Variants in LTBP1 observed in about 807,000 individuals in gnomAD.
LTBP1 encodes the protein latent transforming growth factor beta binding protein 1.
A neutral mutation model predicts 207.6 loss-of-function variants in LTBP1; 129 were observed. The observed-to-expected ratio is 0.62, with a 90% CI of 0.54 to 0.72. The LOEUF (loss-of-function observed/expected upper bound fraction) is 0.72, where lower values mean the gene tolerates loss of function less well. Among genes scored for constraint, LTBP1 ranks in the 30% least tolerant of loss-of-function variants. The probability of loss-of-function intolerance (pLI) is 0.00; values close to 1 mark genes in which losing one functional copy is unlikely to be tolerated. For missense variants in LTBP1, 2,281 were observed against 2,217.2 expected, an observed-to-expected ratio of 1.03 and a Z score of -0.58; for synonymous variants, 963 against 833.7, an observed-to-expected ratio of 1.16 and a Z score of -2.67.
rs146845091 is a variant in LTBP1 at position 33,108,555 on chromosome 2, G to C, written c.864-2027G>C. The stretch of plus-strand genomic sequence containing the variant: ...TGTCCTCCGCTTCCTCAATTCAGAG[G>C]GGGGACAAGAGACAACCTCAAGTAG... On this transcript the variant is annotated intron_variant, in intron 3 of 33. Transcript: ENST00000404816. Among the ~76,000 whole-genome samples the C allele has an allele frequency of 3.7e-3, 566 of 152,102 alleles. 3 individuals carry two copies. Among genetic ancestry groups the C allele is most frequent in the African/African-American group, 0.013 (519 of 41,494 alleles).
intron 4 of LTBP1, among the ~76,000 whole-genome samples, chr2:33,133,528 A>G (rs554866741): frequency 5.6e-4 from 86 of 152,336 alleles, no homozygotes; most frequent in African/African-American, 1.9e-3. Context: ...AGATGTAGCA[A>G]TCAAAACAGT....
At chr2:33,175,577 A>G (rs1036495265) in intron 5 of LTBP1, among the ~76,000 whole-genome samples, 3 of 152,248 alleles carry the variant, frequency 2.0e-5, no homozygotes, top group Non-Finnish European at 4.4e-5. Context: ...TAGTTCAACC[A>G]TTGTGGAAGT....
intron 24 of LTBP1, among the ~76,000 whole-genome samples, chr2:33,339,294 G>A (rs1559035584): frequency 6.6e-6 from 1 of 152,110 alleles, no homozygotes. Flanking sequence ...TTAGATAAGT[G>A]GTTCTAAAGG....
intron 3 of LTBP1, among the ~76,000 whole-genome samples, chr2:33,043,453 C>A (rs2076291886): frequency 6.6e-6 from 1 of 151,986 alleles, no homozygotes; most frequent in Non-Finnish European, 1.5e-5. Context: ...ATGCATCTTG[C>A]CATGCTATAT....
At chr2:33,095,671 C>CAT (rs956141524) in intron 3 of LTBP1, among the ~76,000 whole-genome samples, 22 of 151,774 alleles carry the variant, frequency 1.4e-4, no homozygotes, top group African/African-American at 3.6e-4. Flanking sequence ...ACTTAAAAAG[C>CAT]ATATATATAT....
At chr2:33,380,888 G>T (rs781757037) in intron 31 of LTBP1, among the ~76,000 whole-genome samples, 2 of 151,938 alleles carry the variant, frequency 1.3e-5, no homozygotes, top group Non-Finnish European at 2.9e-5. Context: ...TTCTTACTTG[G>T]TTAATGAAGA....
rs546657188 is a variant in LTBP1, at chr2:33,301,452, C to G, written c.3359-70C>G. 8.3e-4 allele frequency: 1,196 copies of G among 1,444,348 alleles called. 1 individual carries two copies. The highest frequency in any genetic ancestry group is 1.0e-3 in the Non-Finnish European group (1,129 of 1,090,594). 89.5% of individuals were successfully genotyped at this position (1,444,348 alleles called of 1,614,324 possible). Reference sequence around the variant, plus strand: ...TGTCTTTCTAGAATTTACACTGATCCAATTGAGACTGATTGAAAATGTTTT... The same window carrying G: ...TGTCTTTCTAGAATTTACACTGATCGAATTGAGACTGATTGAAAATGTTTT... On this transcript the variant is annotated intron_variant, in intron 21 of 33. Transcript: ENST00000404816.
intron 3 of LTBP1, among the ~76,000 whole-genome samples, chr2:33,074,559 C>T (rs531799770): frequency 6.6e-6 from 1 of 152,006 alleles, no homozygotes; most frequent in Admixed American, 6.5e-5. Flanking sequence ...CAACGAAAAC[C>T]CTGTCTCTAC....
intron 31 of LTBP1, among the ~76,000 whole-genome samples, chr2:33,383,340 G>A (rs1038702317): frequency 2.6e-5 from 4 of 152,198 alleles, no homozygotes; most frequent in Middle Eastern, 3.2e-3. Flanking sequence ...GTGACAGAGC[G>A]AGACTCCGTC....
chr2:33,229,149 A>G (rs947266082), intron 9 of LTBP1, among the ~76,000 whole-genome samples: 8 of 152,166 alleles, frequency 5.3e-5, no homozygotes, highest in Non-Finnish European at 1.2e-4. Context: ...AGCAATTAAT[A>G]TTAATTTTGT....
intron 31 of LTBP1, among the ~76,000 whole-genome samples, chr2:33,371,132 G>A (rs114780208): frequency 0.018 from 2,806 of 152,274 alleles, 86 homozygotes; most frequent in African/African-American, 0.065. Context: ...TTGCATAATT[G>A]TAGAATTCAT....
At chr2:32,983,624 C>T (rs1354063594) in intron 2 of LTBP1, among the ~76,000 whole-genome samples, 2 of 152,170 alleles carry the variant, frequency 1.3e-5, no homozygotes, top group African/African-American at 4.8e-5. Context: ...GTAATTGAAT[C>T]ACAGGGGCAG....
chr2:33,107,519 G>C (rs1250316164), intron 3 of LTBP1, among the ~76,000 whole-genome samples: 1 of 152,162 alleles, frequency 6.6e-6, no homozygotes, highest in Non-Finnish European at 1.5e-5. Context: ...TTTGTCAAAT[G>C]TTAACTCTTT....
chr2:33,150,710 CTTTTTTTTTT>C (rs1176008947), intron 5 of LTBP1, among the ~76,000 whole-genome samples: 5 of 69,296 alleles, frequency 7.2e-5, no homozygotes, highest in East Asian at 4.3e-4. Context: ...TTTTCTTTTT[CTTTTTTTTTT>C]TTTTTTTTTT....
intron 19 of LTBP1, among the ~76,000 whole-genome samples, chr2:33,284,302 C>G (rs2148647206): frequency 6.6e-6 from 1 of 152,256 alleles, no homozygotes; most frequent in East Asian, 1.9e-4. Flanking sequence ...CATACAATCC[C>G]TCATCCTCAA....
At chr2:33,341,864 C>A (rs1273878818) in intron 24 of LTBP1, among the ~76,000 whole-genome samples, 1 of 151,656 alleles carries the variant, frequency 6.6e-6, no homozygotes, top group East Asian at 1.9e-4. Flanking sequence ...ACAGTTGTTA[C>A]CTGATTTCAT....
intron 7 of LTBP1, among the ~76,000 whole-genome samples, chr2:33,193,773 C>T (rs552786218): frequency 8.5e-5 from 13 of 152,192 alleles, no homozygotes; most frequent in African/African-American, 2.9e-4. Flanking sequence ...CATCACAAAC[C>T]ACAACCATAT....
intron 2 of LTBP1, among the ~76,000 whole-genome samples, chr2:32,971,117 G>A (rs1680809021): frequency 6.6e-6 from 1 of 151,622 alleles, no homozygotes; most frequent in South Asian, 2.1e-4. Flanking sequence ...GTATAGAAAT[G>A]CTTCTGATTG....
chr2:33,111,799 A>G (rs1352777020), intron 4 of LTBP1, among the ~76,000 whole-genome samples: 1 of 152,194 alleles, frequency 6.6e-6, no homozygotes, highest in East Asian at 1.9e-4. Flanking sequence ...ATAGTTTGGT[A>G]TGGTTTATTG....
Sources: gnomAD v4.1 joint callset for allele counts (sites outside exome capture counted in the v4.1 genomes callset) on GRCh38, gnomAD v4.1.1 for gene constraint, MANE v1.5 for transcripts, NCBI Gene and HGNC (gene_info 2026-07-23, HGNC 2026-07-21) for gene names.